XRN1: variants seen among roughly 807,000 people sequenced by gnomAD.
XRN1 encodes 5'-3' exoribonuclease 1, also known as strand-exchange protein 1 homolog.
A neutral mutation model predicts 222.3 loss-of-function variants in XRN1; 67 were observed. The observed-to-expected ratio is 0.30, with a 90% CI of 0.25 to 0.37. The LOEUF (loss-of-function observed/expected upper bound fraction) is 0.37. XRN1 is among the 10% of genes least tolerant of loss of function. The probability of loss-of-function intolerance (pLI) is 1.00; values close to 1 mark genes in which losing one functional copy is unlikely to be tolerated. For missense variants in XRN1, 1,707 were observed against 2,000.2 expected, an observed-to-expected ratio of 0.85 and a Z score of 2.80; for synonymous variants, 643 against 652.4, an observed-to-expected ratio of 0.99 and a Z score of 0.22.
At chr3:142,393,728 C>A (rs1379285825) in intron 20 of XRN1, among the ~76,000 whole-genome samples, 1 of 152,210 alleles carries the variant, frequency 6.6e-6, no homozygotes, top group African/African-American at 2.4e-5. Flanking sequence ...ACACAAACAT[C>A]TCACTGTCTG....
intron 39 of XRN1, among the ~76,000 whole-genome samples, chr3:142,313,845 T>C (rs1162224058): frequency 2.0e-5 from 3 of 152,118 alleles, no homozygotes; most frequent in African/African-American, 7.2e-5. Context: ...GAGGCTAATG[T>C]GTGAGGATTG....
At position 142,351,318 on chromosome 3, in the gene XRN1, G is replaced by A. The variant is rs1577269830; in HGVS notation, c.3769-3976C>T. Among the ~76,000 whole-genome samples the A allele has an allele frequency of 3.9e-5, 6 of 152,266 alleles. 1 individual carries two copies. The Middle Eastern group carries it at 0.021, about 521-fold the overall frequency. On this transcript the variant is annotated intron_variant, in intron 32 of 40. Transcript: ENST00000392981. ...GAGACAGGAAGAAAAACAGGGAAGG[G>A]TGGTATTCCAATGACAAGTGAAGAA... is the stretch of plus-strand genomic sequence containing the variant.
intron 37 of XRN1, among the ~76,000 whole-genome samples, chr3:142,323,186 G>C (rs2065408013): frequency 6.6e-6 from 1 of 151,748 alleles, no homozygotes; most frequent in Non-Finnish European, 1.5e-5. Context: ...CTTCTCACAA[G>C]TATATGGAGG....
intron 37 of XRN1, 25 bp downstream of exon 37, chr3:142,329,409 T>C (rs1437604285): frequency 2.9e-6 from 4 of 1,363,334 alleles, no homozygotes; most frequent in Non-Finnish European, 3.8e-6. Context: ...ATAATTTATA[T>C]AAATAGAACA....
intron 19 of XRN1, among the ~76,000 whole-genome samples, chr3:142,399,799 TTA>T (rs2068061037): frequency 7.5e-6 from 1 of 133,288 alleles, no homozygotes; most frequent in African/African-American, 3.3e-5. Context: ...ATGTGTAAAT[TTA>T]AAAAAAAAAA....
intron 23 of XRN1, among the ~76,000 whole-genome samples, chr3:142,378,343 T>G (rs1452378380): frequency 6.6e-6 from 1 of 152,180 alleles, no homozygotes; most frequent in Non-Finnish European, 1.5e-5. Flanking sequence ...CATTTGTCAC[T>G]TCCAACTAAA....
At chr3:142,373,816 T>TAAAAAAA (rs1390345355) in intron 25 of XRN1, among the ~76,000 whole-genome samples, 1 of 151,452 alleles carries the variant, frequency 6.6e-6, no homozygotes, top group Non-Finnish European at 1.5e-5. Flanking sequence ...CCATCTCTAC[T>TAAAAAAA]AAAAAAAATA....
chr3:142,359,272 T>C (rs1431441001), intron 30 of XRN1, among the ~76,000 whole-genome samples: 1 of 152,130 alleles, frequency 6.6e-6, no homozygotes, highest in Non-Finnish European at 1.5e-5. Flanking sequence ...TAGTCAAACT[T>C]CCCAAGTGTT....
intron 3 of XRN1, 100 bp from the exon 4 acceptor site, chr3:142,425,638 T>C: frequency 1.1e-6 from 1 of 896,408 alleles, no homozygotes; most frequent in Non-Finnish European, 1.7e-6. Flanking sequence ...CGGGAATAGC[T>C]AGGTAGGTAT....
At chr3:142,422,311 C>A (rs1344881826) in intron 8 of XRN1, among the ~76,000 whole-genome samples, 1 of 151,968 alleles carries the variant, frequency 6.6e-6, no homozygotes, top group Non-Finnish European at 1.5e-5. Context: ...GGCAACAGAG[C>A]AAGACCCCGT....
intron 27 of XRN1, among the ~76,000 whole-genome samples, chr3:142,369,509 G>A (rs554623900): frequency 1.6e-4 from 24 of 151,484 alleles, no homozygotes; most frequent in Admixed American, 1.5e-3. Flanking sequence ...TTGGCTGGGC[G>A]AGGTGGCAGG....
chr3:142,366,022 T>C (rs558127415), intron 27 of XRN1, among the ~76,000 whole-genome samples: 1 of 152,292 alleles, frequency 6.6e-6, no homozygotes, highest in South Asian at 2.1e-4. Flanking sequence ...CTTTTCATTA[T>C]CTAAAAAATG....
At chr3:142,353,811 A>C (rs12632726) in intron 32 of XRN1, among the ~76,000 whole-genome samples, 57,763 of 151,994 alleles carry the variant, frequency 0.38, 11,014 homozygotes, top group Middle Eastern at 0.47. Context: ...CGCAACAAAA[A>C]CAAAAATTTA....
At chr3:142,440,223 CA>C (rs2070140684) in intron 1 of XRN1, among the ~76,000 whole-genome samples, 1 of 152,172 alleles carries the variant, frequency 6.6e-6, no homozygotes, top group Non-Finnish European at 1.5e-5. Flanking sequence ...GGTCCTAGGA[CA>C]GCCAGTCACT....
At chr3:142,412,103 C>T (rs1228616362) in intron 15 of XRN1, among the ~76,000 whole-genome samples, 1 of 152,164 alleles carries the variant, frequency 6.6e-6, no homozygotes, top group African/African-American at 2.4e-5. Flanking sequence ...GGATTACAGG[C>T]GTGAGCCACC....
rs369705102 is a variant in XRN1, at chr3:142,399,493, T to C, written c.2207+951A>G. On this transcript the variant is annotated intron_variant, in intron 19 of 40. Transcript: ENST00000392981. The stretch of plus-strand genomic sequence containing the variant: ...AAATGAGGTAAACCTATAAAACTTT[T>C]CAAAGAAAATATCAAAGAAAATCTT... Among the ~76,000 whole-genome samples the C allele has an allele frequency of 6.6e-5, 10 of 152,140 alleles. No homozygotes were observed. The South Asian group carries it at 1.2e-3, about 19-fold the overall frequency.
chr3:142,375,974 G>GCA (rs66486380), intron 24 of XRN1, 30 bp from the exon 25 acceptor site: 78,097 of 1,345,544 alleles, frequency 0.058, 1,399 homozygotes, highest in African/African-American at 0.23. Flanking sequence ...GCGCACACGT[G>GCA]CACACACACA....
chr3:142,439,989 C>T (rs189587125), intron 1 of XRN1, among the ~76,000 whole-genome samples: 270 of 150,644 alleles, frequency 1.8e-3, no homozygotes, highest in African/African-American at 6.4e-3. Context: ...TCCTCTGAGA[C>T]GAAGGTCTCA....
intron 34 of XRN1, among the ~76,000 whole-genome samples, chr3:142,334,777 CACACACACACACACACACACACACAA>C (rs906092611): frequency 6.7e-6 from 1 of 149,274 alleles, no homozygotes; most frequent in Non-Finnish European, 1.5e-5. Context: ...TACACACACA[CACACACACACACACACACACACACAA>C]AAGACCATAT....
Sources: allele counts gnomAD v4.1 joint callset (sites outside exome capture counted in the v4.1 genomes callset), GRCh38; gene constraint gnomAD v4.1.1; transcripts MANE v1.5; gene names NCBI Gene and HGNC (gene_info 2026-07-23, HGNC 2026-07-21).